KMT2A: variants seen among roughly 807,000 people sequenced by gnomAD.
KMT2A encodes histone-lysine N-methyltransferase 2A.
A neutral mutation model predicts 345.3 loss-of-function variants in KMT2A; 16 were observed. The observed-to-expected ratio is 0.05, with a 90% CI of 0.03 to 0.07. KMT2A has a LOEUF of 0.07. KMT2A is among the 10% of genes least tolerant of loss of function. KMT2A has a pLI of 1.00. For synonymous variants in KMT2A, 1,599 were observed against 1,778.6 expected, an observed-to-expected ratio of 0.90 and a Z score of 2.54; for missense variants, 3,272 against 4,841.6, an observed-to-expected ratio of 0.68 and a Z score of 9.62.
chr11:118,503,402 C>T lies in KMT2A; in HGVS notation c.7510C>T (p.Pro2504Ser). The change falls in exon 27 of 36, where the codon CCA becomes TCA. Residue 2504 changes from proline to serine, a missense_variant. Transcript: ENST00000534358. The surrounding 1 kb of genome is among the most constrained non-coding windows in gnomAD (Gnocchi z 5.3). ...TTCTATGCCAGGAGTCCCCAAAGCTCCACCCATGCAAGTAGAAGGATCTGC... is the reference window on the plus strand; with the variant it reads ...TTCTATGCCAGGAGTCCCCAAAGCTTCACCCATGCAAGTAGAAGGATCTGC... ...GLSMPGVPKA[P>S]PMQVEGSAKE... 6.2e-7 allele frequency: 1 copy of T among 1,614,024 alleles called. No homozygotes were observed. The highest frequency in any genetic ancestry group is 8.5e-7 in the Non-Finnish European group (1 of 1,179,988).
chr11:118,440,284 A>G (rs1949285871), intron 1 of KMT2A, among the ~76,000 whole-genome samples: 1 of 152,176 alleles, frequency 6.6e-6, no homozygotes, highest in Admixed American at 6.5e-5. Flanking sequence ...CTTCCTTTGT[A>G]TGACAATTAG....
chr11:118,499,519 C>T, intron 23 of KMT2A, 99 bp downstream of exon 23: 3 of 826,754 alleles, frequency 3.6e-6, no homozygotes, highest in East Asian at 4.8e-5. Context: ...TGTGGTGTCT[C>T]ACGCCTGTAA....
At chr11:118,445,248 T>G (rs1591344040) in intron 1 of KMT2A, among the ~76,000 whole-genome samples, 1 of 152,104 alleles carries the variant, frequency 6.6e-6, no homozygotes, top group Non-Finnish European at 1.5e-5. Flanking sequence ...AACATTAGTG[T>G]CCAACTAAAG....
At position 118,491,407 on chromosome 11, in the gene KMT2A, GTGT is replaced by G. The variant is rs2134339642; in HGVS notation, c.4819+94_4819+96del. 2 of 1,273,920 alleles carry G rather than the reference GTGT, an allele frequency of 1.6e-6. No homozygotes were observed. The highest frequency in any genetic ancestry group is 1.5e-5 in the South Asian group (1 of 66,538). 78.9% of individuals were successfully genotyped at this position (1,273,920 alleles called of 1,614,324 possible). On this transcript the variant is annotated intron_variant, in intron 14 of 35. Coordinates refer to ENST00000534358, the MANE Select transcript of KMT2A (RefSeq NM_001197104.2). This position sits in a 1 kb window ranked among gnomAD's most constrained non-coding sequence, Gnocchi z 4.2. Reference sequence around the variant, plus strand: ...GCACTTTAAACCTAAAATTATGGTTGTGTTGTTATTTGAAATCTCTAAATTTAT... The same window carrying G: ...GCACTTTAAACCTAAAATTATGGTTGTGTTATTTGAAATCTCTAAATTTAT...
At position 118,509,982 on chromosome 11, in the gene KMT2A, C is replaced by T. The variant is rs782355983; in HGVS notation, c.10935C>T (p.Phe3645=). Residue 3645 remains phenylalanine, a synonymous_variant, in exon 30 of 36, where the codon TTC becomes TTT. Coordinates refer to ENST00000534358, the MANE Select transcript of KMT2A (RefSeq NM_001197104.2). The stretch of plus-strand genomic sequence containing the variant: ...CAGTGGAAGAAGAGGAAAGTAATTT[C>T]AGCTCCCCACTGATGCTTTGGCTTC... The part of the protein sequence containing the change: ...PKTVEEEESN[F]SSPLMLWLQQ... 6.2e-7 allele frequency: 1 copy of T among 1,611,328 alleles called. No homozygotes were observed. The highest frequency in any genetic ancestry group is 1.3e-5 in the African/African-American group (1 of 74,900).
Position 118,498,659 on chromosome 11 carries a change from C to A in KMT2A, c.5961+131C>A. 1.2e-6 allele frequency: 1 copy of A among 834,364 alleles called. No homozygotes were observed. Among genetic ancestry groups the A allele is most frequent in the African/African-American group, 1.7e-5 (1 of 58,350 alleles). 51.7% of individuals were successfully genotyped at this position (834,364 alleles called of 1,614,324 possible). A position where few individuals can be genotyped will look rare whatever the true frequency, so the allele number is the denominator to read the frequency against. On this transcript the variant is annotated intron_variant, in intron 22 of 35. Coordinates refer to ENST00000534358, the MANE Select transcript of KMT2A (RefSeq NM_001197104.2). This position sits in a 1 kb window ranked among gnomAD's most constrained non-coding sequence, Gnocchi z 4.4. ...CCCTGCACCCACATATGCACAGCCT[C>A]CCCCATGATCAGCATCCCCCACCAG... is the stretch of plus-strand genomic sequence containing the variant.
At chr11:118,519,372 A>C in intron 31 of KMT2A, 2 of 434,914 alleles carry the variant, frequency 4.6e-6, no homozygotes, top group Non-Finnish European at 8.4e-6. Context: ...TAATAAAGCA[A>C]AATAGTCCAT....
In KMT2A at chr11:118,521,187, C is replaced by G; in HGVS notation, c.11514-101C>G. 7.5e-7 allele frequency: 1 copy of G among 1,325,724 alleles called. No individual in the cohort carries two copies. Among genetic ancestry groups the G allele is most frequent in the Non-Finnish European group, 1.1e-6 (1 of 948,304 alleles). 82.1% of individuals were successfully genotyped at this position (1,325,724 alleles called of 1,614,324 possible). A position where few individuals can be genotyped will look rare whatever the true frequency, so the allele number is the denominator to read the frequency against. ...TTTTTATTTTCTCAAGTATATGTCC[C>G]TCCTGGGGAACTAACAGACCAGGAG... is the stretch of plus-strand genomic sequence containing the variant. On this transcript the variant is annotated intron_variant, in intron 34 of 35. Transcript: ENST00000534358. The surrounding 1 kb of genome is among the most constrained non-coding windows in gnomAD (Gnocchi z 5.3).
intron 1 of KMT2A, among the ~76,000 whole-genome samples, chr11:118,463,917 CT>C (rs1435153591): frequency 6.6e-6 from 1 of 152,146 alleles, no homozygotes; most frequent in Non-Finnish European, 1.5e-5. Context: ...AAAAGAGCCC[CT>C]ATCAGAGCAA....
chr11:118,442,865 A>G (rs1201478484), intron 1 of KMT2A, among the ~76,000 whole-genome samples: 2 of 152,190 alleles, frequency 1.3e-5, no homozygotes, highest in Admixed American at 6.6e-5. Context: ...CTAGATCTAC[A>G]TGTGGCATGC....
chr11:118,503,975 G>A lies in KMT2A; in HGVS notation c.8083G>A (p.Gly2695Ser). The A allele has an allele frequency of 6.2e-7, 1 of 1,614,210 alleles. No individual in the cohort carries two copies. Among genetic ancestry groups the A allele is most frequent in the Non-Finnish European group, 8.5e-7 (1 of 1,180,040 alleles). ...YNFTRTVISSGGEERLASHNL... is the reference protein window; with the variant it reads ...YNFTRTVISSSGEERLASHNL... ...CTTCACTAGAACAGTGATTTCTTCAGGTGGAGAGGAACGACTGGCATCCCA... is the reference window on the plus strand; with the variant it reads ...CTTCACTAGAACAGTGATTTCTTCAAGTGGAGAGGAACGACTGGCATCCCA... The change falls in exon 27 of 36, where the codon GGT (glycine) becomes AGT (serine). Residue 2695 changes from glycine to serine, a missense_variant. Coordinates refer to ENST00000534358, the MANE Select transcript of KMT2A (RefSeq NM_001197104.2). The surrounding 1 kb of genome is among the most constrained non-coding windows in gnomAD (Gnocchi z 5.3).
At position 118,510,876 on chromosome 11, in the gene KMT2A, T is replaced by C. The variant is rs1950673690; in HGVS notation, c.11071+758T>C. 6.6e-6 allele frequency among the ~76,000 whole-genome samples: 1 copy of C among 152,050 alleles called. No individual in the cohort carries two copies. The highest frequency in any genetic ancestry group is 1.5e-5 in the Non-Finnish European group (1 of 68,002). On this transcript the variant is annotated intron_variant, in intron 30 of 35. Coordinates refer to ENST00000534358, the MANE Select transcript of KMT2A (RefSeq NM_001197104.2). This position sits in a 1 kb window ranked among gnomAD's most constrained non-coding sequence, Gnocchi z 4.1. ...GATTCTATTAAAGGAGAAAATGGAA[T>C]TTGGGTTAGGCAAAGAAGAATGCAG...
In KMT2A at chr11:118,522,489, T is replaced by G. The variant is rs1950992550; in HGVS notation, c.*317T>G. Reference sequence around the variant, plus strand: ...AGCCTATTATAGAGGGTTGGTTATGTTGGGAGATTGGGCCTGAATTTCTCC... The same window carrying G: ...AGCCTATTATAGAGGGTTGGTTATGGTGGGAGATTGGGCCTGAATTTCTCC... On this transcript the variant is annotated 3_prime_UTR_variant, in exon 36 of 36. Coordinates refer to ENST00000534358, the MANE Select transcript of KMT2A (RefSeq NM_001197104.2). This position sits in a 1 kb window ranked among gnomAD's most constrained non-coding sequence, Gnocchi z 5.4. 1 of 313,802 alleles carries G rather than the reference T, an allele frequency of 3.2e-6. No individual in the cohort carries two copies. Among genetic ancestry groups the G allele is most frequent in the African/African-American group, 2.0e-5 (1 of 48,822 alleles). The allele number at this position is 313,802 out of a possible 1,614,324, so 19.4% of individuals were successfully genotyped here. A position where few individuals can be genotyped will look rare whatever the true frequency, so the allele number is the denominator to read the frequency against.
In KMT2A at chr11:118,473,587, G is replaced by A. The variant is rs782238174; in HGVS notation, c.2428G>A (p.Ala810Thr). 6 of 1,613,900 alleles carry A rather than the reference G, an allele frequency of 3.7e-6. No individual in the cohort carries two copies. Among genetic ancestry groups the A allele is most frequent in the Non-Finnish European group, 5.1e-6 (6 of 1,180,040 alleles). Residue 810 changes from alanine to threonine, a missense_variant, in exon 3 of 36, where the codon GCA becomes ACA. Ala to Thr is a moderately conservative substitution (Grantham distance 58). Coordinates refer to ENST00000534358, the MANE Select transcript of KMT2A (RefSeq NM_001197104.2). The surrounding 1 kb of genome is among the most constrained non-coding windows in gnomAD (Gnocchi z 5.2). Reference sequence around the variant, plus strand: ...TTCCCTGACTCAGTCTGGGGAATCTGCAGAGAAAAATCAGAGACCAAGGAA... The same window carrying A: ...TTCCCTGACTCAGTCTGGGGAATCTACAGAGAAAAATCAGAGACCAAGGAA... ...SHSLTQSGES[A>T]EKNQRPRKQT...
At chr11:118,439,158 C>CAA (rs34166714) in intron 1 of KMT2A, 2,826 of 266,338 alleles carry the variant, frequency 0.011, 3 homozygotes, top group South Asian at 0.02. Context: ...GATACAGCAG[C>CAA]AAAAAAAAAA....
In KMT2A at chr11:118,495,457, T is replaced by A. The variant is rs1950393596; in HGVS notation, c.5364-243T>A. On this transcript the variant is annotated intron_variant, in intron 18 of 35. Coordinates refer to ENST00000534358, the MANE Select transcript of KMT2A (RefSeq NM_001197104.2). This position sits in a 1 kb window ranked among gnomAD's most constrained non-coding sequence, Gnocchi z 4.1. The stretch of plus-strand genomic sequence containing the variant: ...CAGGCATGAGCCACCATGCCCGGCC[T>A]CTTTTGAGTTTTTGATAGGGTTATC... 6.6e-6 allele frequency among the ~76,000 whole-genome samples: 1 copy of A among 152,112 alleles called. No homozygotes were observed. The highest frequency in any genetic ancestry group is 2.4e-5 in the African/African-American group (1 of 41,430).
rs1951069987 is a variant in KMT2A, at chr11:118,525,789, AGTT to A, written c.*3621_*3623del. 2 of 224,364 alleles carry A rather than the reference AGTT, an allele frequency of 8.9e-6. No individual in the cohort carries two copies. Among genetic ancestry groups the A allele is most frequent in the South Asian group, 3.7e-4 (2 of 5,424 alleles). 13.9% of individuals were successfully genotyped at this position (224,364 alleles called of 1,614,324 possible). Reference sequence around the variant, plus strand: ...GATTTTTTTTTTTTAATAGAAATCAAGTTGTTTTTGTTTTTAAGGAAAAGCGGG... The same window carrying A: ...GATTTTTTTTTTTTAATAGAAATCAAGTTTTTGTTTTTAAGGAAAAGCGGG... On this transcript the variant is annotated 3_prime_UTR_variant, in exon 36 of 36. Coordinates refer to ENST00000534358, the MANE Select transcript of KMT2A (RefSeq NM_001197104.2).
At position 118,497,085 on chromosome 11, in the gene KMT2A, A is replaced by G. The variant is rs1299780485; in HGVS notation, c.5664+718A>G. On this transcript the variant is annotated intron_variant, in intron 20 of 35. Transcript: ENST00000534358. This position sits in a 1 kb window ranked among gnomAD's most constrained non-coding sequence, Gnocchi z 4.8. Reference sequence around the variant, plus strand: ...AATGGCGTGATCTCGGCTCACTACAACCTCCGCCTCCTATGTTCAAGCAAT... The same window carrying G: ...AATGGCGTGATCTCGGCTCACTACAGCCTCCGCCTCCTATGTTCAAGCAAT... 6.7e-6 allele frequency among the ~76,000 whole-genome samples: 1 copy of G among 150,300 alleles called. No individual in the cohort carries two copies.
chr11:118,437,357 C>T (rs1204020173), intron 1 of KMT2A, among the ~76,000 whole-genome samples: 1 of 151,994 alleles, frequency 6.6e-6, no homozygotes, highest in African/African-American at 2.4e-5. Flanking sequence ...TGTGTTACTC[C>T]TAGGGCAGTT....
Sources: gnomAD v4.1 joint callset for allele counts (sites outside exome capture counted in the v4.1 genomes callset) on GRCh38, gnomAD v4.1.1 for gene constraint, Gnocchi (gnomAD v3.1) non-coding constraint, MANE v1.5 for transcripts, NCBI Gene and HGNC (gene_info 2026-07-23, HGNC 2026-07-21) for gene names.